Variants in CEP104 observed in about 807,000 individuals in gnomAD.
CEP104 encodes the protein centrosomal protein 104.
CEP104 carries 84 observed loss-of-function variants against 113.3 expected under a neutral mutation model. The observed-to-expected ratio is 0.74, with a 90% CI of 0.62 to 0.89. The LOEUF is 0.89. CEP104 is among the 40% of genes least tolerant of loss of function. The pLI is 0.00. For missense variants in CEP104, 1,053 were observed against 1,156.6 expected (o/e 0.91, Z 1.30); for synonymous variants, 378 against 421.7 (o/e 0.90, Z 1.27).
At chr1:3,829,242 G>C (rs2124654886) in intron 15 of CEP104, 24 bp downstream of exon 15, 1 of 1,487,220 alleles carries the variant, frequency 6.7e-7, no homozygotes, top group East Asian at 2.3e-5. Context: ...AAGCACACAG[G>C]TGAAAGACGT....
rs1279092995 is a variant in CEP104 at position 3,814,282 on chromosome 1, C to A, written c.*1120G>T. On this transcript the variant is annotated 3_prime_UTR_variant, in exon 22 of 22. Transcript: ENST00000378230. ...AGAGGGTGGATGCTTCCAGACAGAC[C>A]CTGACTCCCTCCACATGGCTGCCTG... 3 of 152,214 alleles carry A rather than the reference C, an allele frequency of 2.0e-5. No homozygotes were observed. The highest frequency in any genetic ancestry group is 7.2e-5 in the African/African-American group (3 of 41,422). 9.4% of individuals were successfully genotyped at this position (152,214 alleles called of 1,614,324 possible). A position where few individuals can be genotyped will look rare whatever the true frequency, so the allele number is the denominator to read the frequency against.
At chr1:3,837,647 T>C (rs1453673955) in intron 8 of CEP104, 128 bp from the exon 9 acceptor site, 1 of 780,750 alleles carries the variant, frequency 1.3e-6, no homozygotes, top group African/African-American at 1.8e-5. Context: ...CAATGAAAAA[T>C]TTCAAAACCA....
rs1643939952 is a variant in CEP104 at position 3,819,981 on chromosome 1, C to T, written c.2571+3193G>A. 6.6e-6 allele frequency among the ~76,000 whole-genome samples: 1 copy of T among 152,112 alleles called. No individual in the cohort carries two copies. The highest frequency in any genetic ancestry group is 2.1e-4 in the South Asian group (1 of 4,816). On this transcript the variant is annotated intron_variant, in intron 20 of 21. Coordinates refer to ENST00000378230, the MANE Select transcript of CEP104 (RefSeq NM_014704.4). This position sits in a 1 kb window ranked among gnomAD's most constrained non-coding sequence, Gnocchi z 4.6. ...GCTGGGATGAGCCTGGAAGTGAGTC[C>T]TTCCCTAGCAGGGCTGACAGATGAG...
chr1:3,838,415 T>C (rs1644354527), intron 8 of CEP104, among the ~76,000 whole-genome samples: 1 of 152,018 alleles, frequency 6.6e-6, no homozygotes, highest in Non-Finnish European at 1.5e-5. Flanking sequence ...CCTCCCAAAG[T>C]GATGGGATTA....
intron 12 of CEP104, among the ~76,000 whole-genome samples, chr1:3,831,885 T>G (rs1005237796): frequency 6.6e-6 from 1 of 152,242 alleles, no homozygotes; most frequent in African/African-American, 2.4e-5. Context: ...CACTCTGGAT[T>G]TGGGCCTGTG....
chr1:3,831,900 ACT>A (rs549517120), intron 12 of CEP104, among the ~76,000 whole-genome samples: 54 of 152,310 alleles, frequency 3.5e-4, no homozygotes, highest in Middle Eastern at 6.8e-3. Flanking sequence ...CCTGTGAGTG[ACT>A]CTGTACAAAT....
intron 2 of CEP104, among the ~76,000 whole-genome samples, chr1:3,849,861 A>G (rs1318285095): frequency 6.6e-6 from 1 of 152,246 alleles, no homozygotes; most frequent in East Asian, 1.9e-4. Flanking sequence ...AAACTGTTTA[A>G]AGAAAACCAA....
intron 12 of CEP104, among the ~76,000 whole-genome samples, chr1:3,832,675 G>T (rs1178242856): frequency 6.6e-6 from 1 of 152,058 alleles, no homozygotes; most frequent in East Asian, 1.9e-4. Flanking sequence ...ATATTTTGGA[G>T]AAATGACCCC....
intron 7 of CEP104, among the ~76,000 whole-genome samples, chr1:3,839,375 C>T (rs565284713): frequency 4.6e-5 from 7 of 152,226 alleles, no homozygotes; most frequent in Admixed American, 2.6e-4. Context: ...GTCCTAGTAA[C>T]GAGGTAGCTG....
In CEP104 at chr1:3,836,449, G is replaced by C. The variant is rs12746541; in HGVS notation, c.1317+46C>G. ...AGAGGTGTGCGTACCATATAGACTAGCCTCCCCTCTGCCACCCCGTTTTTT... is the reference window on the plus strand; with the variant it reads ...AGAGGTGTGCGTACCATATAGACTACCCTCCCCTCTGCCACCCCGTTTTTT... On this transcript the variant is annotated intron_variant, in intron 10 of 21. Coordinates refer to ENST00000378230, the MANE Select transcript of CEP104 (RefSeq NM_014704.4). 0.25 allele frequency: 383,122 copies of C among 1,544,004 alleles called. 52,112 individuals are homozygous for C. Among genetic ancestry groups the C allele is most frequent in the African/African-American group, 0.49 (34,697 of 70,146 alleles).
In CEP104 at chr1:3,831,160, T is replaced by C; in HGVS notation, c.1722A>G (p.Pro574=). The C allele has an allele frequency of 1.2e-6, 2 of 1,614,248 alleles. No homozygotes were observed. The highest frequency in any genetic ancestry group is 1.7e-6 in the Non-Finnish European group (2 of 1,180,036). Residue 574 remains proline, a synonymous_variant, in exon 13 of 22, where the codon CCA becomes CCG. Coordinates refer to ENST00000378230, the MANE Select transcript of CEP104 (RefSeq NM_014704.4). ...GGTGAACTGAAGAGTTTGCTTTCAA[T>C]GGCTGCACCAGGTAGGATGGAATAA... ...LQIIPSYLVQ[P]LKANSSVHLA... is the part of the protein sequence containing the mutation.
At chr1:3,832,964 A>T (rs900662285) in intron 12 of CEP104, among the ~76,000 whole-genome samples, 19 of 149,470 alleles carry the variant, frequency 1.3e-4, no homozygotes, top group African/African-American at 4.7e-4. Context: ...TATGGGCGTG[A>T]GCCACCCCGC....
In CEP104 at chr1:3,829,352, C is replaced by T; in HGVS notation, c.2065G>A (p.Glu689Lys). ...TCTTTCTTTTGTTTTTCTGCTTCTT[C>T]TGTAGCCGCTTTTCTCCGTGCCTGG... ...EMRARRKAAT[E>K]EAEKQKKEEI... The change falls in exon 15 of 22, where the codon GAA (glutamate) becomes AAA (lysine). Residue 689 changes from glutamate to lysine, a missense_variant. Physicochemically the swap from Glu to Lys is moderately conservative, Grantham distance 56 (BLOSUM62 1). Transcript: ENST00000378230. The T allele has an allele frequency of 6.2e-7, 1 of 1,609,912 alleles. No homozygotes were observed. Among genetic ancestry groups the T allele is most frequent in the Non-Finnish European group, 8.5e-7 (1 of 1,179,260 alleles).
rs938411115 is a variant in CEP104 at position 3,823,118 on chromosome 1, T to C, written c.2571+56A>G. On this transcript the variant is annotated intron_variant, in intron 20 of 21. Transcript: ENST00000378230. The surrounding 1 kb of genome is among the most constrained non-coding windows in gnomAD (Gnocchi z 4.1). Reference sequence around the variant, plus strand: ...CTGACACCACCACTGTCACCACCACTGCCATCCACAGGTGTGTCACCTACT... The same window carrying C: ...CTGACACCACCACTGTCACCACCACCGCCATCCACAGGTGTGTCACCTACT... 6.6e-7 allele frequency: 1 copy of C among 1,521,524 alleles called. No individual in the cohort carries two copies. Among genetic ancestry groups the C allele is most frequent in the Non-Finnish European group, 9.1e-7 (1 of 1,097,412 alleles). The allele number at this position is 1,521,524 out of a possible 1,614,324, so 94.3% of individuals were successfully genotyped here.
chr1:3,817,166 A>C (rs1444213542), intron 20 of CEP104, among the ~76,000 whole-genome samples: 3 of 152,150 alleles, frequency 2.0e-5, no homozygotes, highest in Non-Finnish European at 4.4e-5. Flanking sequence ...CCCCGTCTCT[A>C]CTAAAAACAC....
At chr1:3,827,700 T>A (rs191082748) in intron 15 of CEP104, among the ~76,000 whole-genome samples, 70 of 152,288 alleles carry the variant, frequency 4.6e-4, no homozygotes, top group African/African-American at 1.3e-3. Flanking sequence ...GAAAAATCCA[T>A]CCCATCCCGT....
intron 2 of CEP104, among the ~76,000 whole-genome samples, chr1:3,849,833 TA>T (rs57661870): frequency 0.039 from 5,687 of 146,504 alleles, 379 homozygotes; most frequent in African/African-American, 0.13. Context: ...AAATCTTTAT[TA>T]AAAAAAAAAA....
rs556546488 is a variant in CEP104 at position 3,823,824 on chromosome 1, G to A, written c.2365-262C>T. On this transcript the variant is annotated intron_variant, in intron 18 of 21. Coordinates refer to ENST00000378230, the MANE Select transcript of CEP104 (RefSeq NM_014704.4). This position sits in a 1 kb window ranked among gnomAD's most constrained non-coding sequence, Gnocchi z 4.1. ...CCACTGTCAAGGATGGGGAAGCTAC[G>A]GTCGGCCTGAGTGTGAAGCTTGGAT... 9.2e-5 allele frequency among the ~76,000 whole-genome samples: 14 copies of A among 152,314 alleles called. No homozygotes were observed. The highest frequency in any genetic ancestry group is 1.4e-4 in the African/African-American group (6 of 41,562).
At chr1:3,816,129 A>G in intron 21 of CEP104, 151 bp downstream of exon 21, 1 of 626,080 alleles carries the variant, frequency 1.6e-6, no homozygotes, top group South Asian at 2.2e-5. Flanking sequence ...CCTGCTTACT[A>G]AGGAACCAGA....
Sources: gnomAD v4.1 joint callset for allele counts (sites outside exome capture counted in the v4.1 genomes callset) on GRCh38, gnomAD v4.1.1 for gene constraint, Gnocchi (gnomAD v3.1) non-coding constraint, MANE v1.5 for transcripts, NCBI Gene and HGNC (gene_info 2026-07-23, HGNC 2026-07-21) for gene names.